The following INPPL1 variants were observed in gnomAD, a reference collection of about 807,000 sequenced individuals.
INPPL1 encodes the protein phosphatidylinositol 3,4,5-trisphosphate 5-phosphatase 2.
INPPL1 carries 91 observed loss-of-function variants against 139.3 expected under a neutral mutation model. The observed-to-expected ratio is 0.65, with a 90% CI of 0.55 to 0.78. The LOEUF (loss-of-function observed/expected upper bound fraction) is 0.78. Ranked by LOEUF, INPPL1 falls within the 30% of genes least tolerant of loss-of-function variation. The pLI is 0.00. For missense variants in INPPL1, 1,411 were observed against 1,665.6 expected, an observed-to-expected ratio of 0.85 and a Z score of 2.66; for synonymous variants, 719 against 686.6, an observed-to-expected ratio of 1.05 and a Z score of -0.74.
Position 72,237,634 on chromosome 11 carries a change from G to T in INPPL1, c.3390G>T (p.Leu1130=). ...CGGTGCTGCAGATGGCCAAGACGCT[G>T]AGCGAGGTGGACTATGCCCCTGCTG... The part of the protein sequence containing the change: ...SCSVLQMAKT[L]SEVDYAPAGP... The change falls in exon 26 of 28, where the codon CTG becomes CTT. Residue 1130 remains leucine (L), a synonymous_variant. Coordinates refer to ENST00000298229, the MANE Select transcript of INPPL1 (RefSeq NM_001567.4). 6.2e-7 allele frequency: 1 copy of T among 1,609,466 alleles called. No individual in the cohort carries two copies. Among genetic ancestry groups the T allele is most frequent in the South Asian group, 1.1e-5 (1 of 90,832 alleles).
chr11:72,230,059 G>C (rs1948787811), intron 8 of INPPL1, 40 bp downstream of exon 8: 2 of 1,614,074 alleles, frequency 1.2e-6, no homozygotes, highest in East Asian at 4.5e-5. Context: ...AGGGTGGTTG[G>C]AGGTGACCAG....
In INPPL1 at chr11:72,228,833, T is replaced by A. The variant is rs199991260; in HGVS notation, c.504T>A (p.Ala168=). The A allele has an allele frequency of 5.6e-6, 9 of 1,608,390 alleles. No homozygotes were observed. The highest frequency in any genetic ancestry group is 5.4e-5 in the African/African-American group (4 of 74,762). ...TGCCAGCTCCTGAGACTCCCACAGC[T>A]CCAGCTGCTGAGAGGTGAGACCCCC... ...SPLPAPETPT[A]PAAESAPNGL... Residue 168 remains alanine, a synonymous_variant, in exon 4 of 28, where the codon GCT becomes GCA. Transcript: ENST00000298229. This position sits in a 1 kb window ranked among gnomAD's most constrained non-coding sequence, Gnocchi z 5.0.
intron 10 of INPPL1, 60 bp downstream of exon 10, chr11:72,230,528 C>T (rs573774080): frequency 6.8e-7 from 1 of 1,479,738 alleles, no homozygotes; most frequent in Non-Finnish European, 9.4e-7. Flanking sequence ...ATGGGTGCTT[C>T]CCATTGGAGG....
rs1314908375 is a variant in INPPL1, at chr11:72,237,314, C to T, written c.3070C>T (p.Pro1024Ser). ...KNKVAITVPA[P>S]QLGHHRHPRV... ...CAAAGTGGCCATTACAGTGCCTGCTCCACAGCTTGGGCACCACCGGCACCC... is the reference window on the plus strand; with the variant it reads ...CAAAGTGGCCATTACAGTGCCTGCTTCACAGCTTGGGCACCACCGGCACCC... The change falls in exon 26 of 28, where the codon CCA becomes TCA. Residue 1024 changes from proline (P) to serine (S), a missense_variant. Pro to Ser is a moderately conservative substitution (Grantham distance 74). This residue lies in a region of INPPL1 where 438 missense variants were observed against 425.7 expected (regional missense o/e 1.03). Coordinates refer to ENST00000298229, the MANE Select transcript of INPPL1 (RefSeq NM_001567.4). 3 of 1,613,904 alleles carry T rather than the reference C, an allele frequency of 1.9e-6. No individual in the cohort carries two copies. Among genetic ancestry groups the T allele is most frequent in the South Asian group, 1.1e-5 (1 of 91,086 alleles).
rs534226294 is a variant in INPPL1, at chr11:72,237,205, C to T, written c.2961C>T (p.Tyr987=). The T allele has an allele frequency of 3.7e-5, 59 of 1,614,006 alleles. 1 individual carries two copies. The South Asian group carries it at 4.9e-4, about 14-fold the overall frequency. The change falls in exon 26 of 28, where the codon TAC becomes TAT. Residue 987 remains tyrosine (Y), a synonymous_variant. Coordinates refer to ENST00000298229, the MANE Select transcript of INPPL1 (RefSeq NM_001567.4). ...ACAGCTTCAATAACCCTGCCTACTA[C>T]GTCCTTGAAGGGGTCCCGCACCAGC... The part of the protein sequence containing the change: ...PKNSFNNPAY[Y]VLEGVPHQLL...
In INPPL1 at chr11:72,228,875, A is replaced by G. The variant is rs1948750884; in HGVS notation, c.518+28A>G. Reference sequence around the variant, plus strand: ...GAGACCCCCATCCCATCCACTGAACAGGAGACCCTTTCTCCTCTGAGAACT... The same window carrying G: ...GAGACCCCCATCCCATCCACTGAACGGGAGACCCTTTCTCCTCTGAGAACT... On this transcript the variant is annotated intron_variant, in intron 4 of 27. Transcript: ENST00000298229. This position sits in a 1 kb window ranked among gnomAD's most constrained non-coding sequence, Gnocchi z 5.0. 1 of 1,555,650 alleles carries G rather than the reference A, an allele frequency of 6.4e-7. No homozygotes were observed. The highest frequency in any genetic ancestry group is 1.4e-5 in the African/African-American group (1 of 72,652).
At chr11:72,229,390 T>C in intron 5 of INPPL1, 75 bp from the exon 6 acceptor site, 1 of 1,475,374 alleles carries the variant, frequency 6.8e-7, no homozygotes, top group Non-Finnish European at 9.5e-7. Flanking sequence ...GTGGTGAGGT[T>C]GAGGCTACAC....
chr11:72,227,891 T>G, intron 1 of INPPL1: 1 of 463,300 alleles, frequency 2.2e-6, no homozygotes, highest in South Asian at 2.1e-5. Context: ...TTTAGACAGC[T>G]GTGGAGGCCA....
chr11:72,226,490 T>G (rs1342440808), intron 1 of INPPL1, among the ~76,000 whole-genome samples: 1 of 152,046 alleles, frequency 6.6e-6, no homozygotes, highest in Non-Finnish European at 1.5e-5. Flanking sequence ...GGGGAGACAT[T>G]TTTAATTGTC....
rs1458941168 is a variant in INPPL1, at chr11:72,235,270, G to A, written c.2504-26G>A. The A allele has an allele frequency of 2.5e-6, 4 of 1,613,810 alleles. No homozygotes were observed. The highest frequency in any genetic ancestry group is 3.4e-6 in the Non-Finnish European group (4 of 1,179,894). Reference sequence around the variant, plus strand: ...GGGCCCTAGATTAGCTTGGTAATTTGCTGGTTTGTCCCATCTGCTCCTCAG... The same window carrying A: ...GGGCCCTAGATTAGCTTGGTAATTTACTGGTTTGTCCCATCTGCTCCTCAG... On this transcript the variant is annotated intron_variant, in intron 22 of 27. Transcript: ENST00000298229. This position sits in a 1 kb window ranked among gnomAD's most constrained non-coding sequence, Gnocchi z 4.9.
At chr11:72,231,659 G>T in intron 13 of INPPL1, 44 bp downstream of exon 13, 1 of 1,364,576 alleles carries the variant, frequency 7.3e-7, no homozygotes. Flanking sequence ...GCGTCTCTCT[G>T]TCCATGGCTT....
Position 72,224,859 on chromosome 11 carries a change from C to G in INPPL1, c.-126C>G, listed in dbSNP as rs572311778. ...CGGCGGAGTGCTGAGTCCCGATCCC[C>G]GGCTCTGTCCGGCCCACGGATCCTC... On this transcript the variant is annotated 5_prime_UTR_variant, in exon 1 of 28. Coordinates refer to ENST00000298229, the MANE Select transcript of INPPL1 (RefSeq NM_001567.4). The G allele has an allele frequency of 1.8e-5, 11 of 610,610 alleles. No individual in the cohort carries two copies. The South Asian group carries it at 6.6e-4, about 37-fold the overall frequency. The allele number at this position is 610,610 out of a possible 1,614,324, so 37.8% of individuals were successfully genotyped here. A position where few individuals can be genotyped will look rare whatever the true frequency, so the allele number is the denominator to read the frequency against.
intron 14 of INPPL1, 48 bp downstream of exon 14, chr11:72,232,384 C>T: frequency 1.3e-6 from 2 of 1,493,946 alleles, no homozygotes; most frequent in Non-Finnish European, 9.1e-7. Context: ...TCCCATTCAC[C>T]TGAGGCCTGT....
chr11:72,225,942 T>A (rs1948659438), intron 1 of INPPL1, among the ~76,000 whole-genome samples: 1 of 152,194 alleles, frequency 6.6e-6, no homozygotes, highest in Non-Finnish European at 1.5e-5. Flanking sequence ...TTTGCAGCCT[T>A]CTAGCGGCTT....
rs1392700449 is a variant in INPPL1, at chr11:72,229,997, C to A, written c.917C>A (p.Thr306Asn). 3 of 1,614,134 alleles carry A rather than the reference C, an allele frequency of 1.9e-6. No individual in the cohort carries two copies. The African/African-American group carries it at 4.0e-5, about 22-fold the overall frequency. Reference protein sequence around the residue: ...APQPSTRKAKTIPVQAFEVKL... With the variant: ...APQPSTRKAKNIPVQAFEVKL... ...CAGCCATCCACACGTAAGGCCAAGA[C>A]CATCCCCGTGCAGGCCTTTGAGGTA... Residue 306 changes from threonine (T) to asparagine (N), a missense_variant, in exon 8 of 28, where the codon ACC becomes AAC. Thr to Asn is a moderately conservative substitution (Grantham distance 65). Transcript: ENST00000298229.
Position 72,234,715 on chromosome 11 carries a change from CAGAGAG to C in INPPL1, c.2415+113_2415+118del, listed in dbSNP as rs539009625. On this transcript the variant is annotated intron_variant, in intron 21 of 27. Coordinates refer to ENST00000298229, the MANE Select transcript of INPPL1 (RefSeq NM_001567.4). The surrounding 1 kb of genome is among the most constrained non-coding windows in gnomAD (Gnocchi z 4.2). Reference sequence around the variant, plus strand: ...TGCCTGGGAGGGAGTGTGGGGCCAGCAGAGAGAGAGAGAGAGAGTGTGTGTGTGTGT... The same window carrying C: ...TGCCTGGGAGGGAGTGTGGGGCCAGCAGAGAGAGAGAGTGTGTGTGTGTGT... 13 of 614,738 alleles carry C rather than the reference CAGAGAG, an allele frequency of 2.1e-5. No individual in the cohort carries two copies. The highest frequency in any genetic ancestry group is 9.6e-5 in the East Asian group (3 of 31,340). 38.1% of individuals were successfully genotyped at this position (614,738 alleles called of 1,614,324 possible). A position where few individuals can be genotyped will look rare whatever the true frequency, so the allele number is the denominator to read the frequency against.
chr11:72,233,307 A>G, intron 17 of INPPL1, 134 bp from the exon 18 acceptor site: 1 of 1,044,494 alleles, frequency 9.6e-7, no homozygotes, highest in Non-Finnish European at 1.4e-6. Context: ...GGGTATTTTG[A>G]GGATCCAAGA....
chr11:72,238,416 G>GC lies in INPPL1; in HGVS notation c.*67dup. On this transcript the variant is annotated 3_prime_UTR_variant, in exon 28 of 28. Coordinates refer to ENST00000298229, the MANE Select transcript of INPPL1 (RefSeq NM_001567.4). ...TCCCTGCTACCAAGGCCCAGCTATGGCCCCAGGGTTGAAAAGTTATGAGGG... is the reference window on the plus strand; with the variant it reads ...TCCCTGCTACCAAGGCCCAGCTATGGCCCCCAGGGTTGAAAAGTTATGAGGG... 3 of 1,415,106 alleles carry GC rather than the reference G, an allele frequency of 2.1e-6. No individual in the cohort carries two copies. The highest frequency in any genetic ancestry group is 2.8e-6 in the Non-Finnish European group (3 of 1,055,610). 87.7% of individuals were successfully genotyped at this position (1,415,106 alleles called of 1,614,324 possible).
At chr11:72,231,728 T>C in intron 13 of INPPL1, 113 bp downstream of exon 13, 2 of 755,634 alleles carry the variant, frequency 2.6e-6, no homozygotes, top group Non-Finnish European at 4.7e-6. Flanking sequence ...TCCCCATATA[T>C]AGGGTACTTT....
Sources: gnomAD v4.1 joint callset for allele counts (sites outside exome capture counted in the v4.1 genomes callset) on GRCh38, gnomAD v4.1.1 for gene constraint, gnomAD v4.1.1 regional missense constraint, Gnocchi (gnomAD v3.1) non-coding constraint, MANE v1.5 for transcripts, NCBI Gene and HGNC (gene_info 2026-07-23, HGNC 2026-07-21) for gene names.